Variants in PRKAR2B observed in about 807,000 individuals in gnomAD.
PRKAR2B encodes the protein cAMP-dependent protein kinase type II-beta regulatory subunit.
PRKAR2B carries 14 observed loss-of-function variants against 49.9 expected under a neutral mutation model. The ratio of observed to expected loss-of-function variants is 0.28; its 90% CI spans 0.19 to 0.44. The LOEUF (loss-of-function observed/expected upper bound fraction) is 0.44. Ranked by LOEUF, PRKAR2B falls within the 20% of genes least tolerant of loss-of-function variation. The pLI is 1.00. For missense variants in PRKAR2B, 393 were observed against 537.9 expected (o/e 0.73, Z 2.67); for synonymous variants, 196 against 197.7 (o/e 0.99, Z 0.07).
chr7:107,136,529 T>C (rs932837362), intron 4 of PRKAR2B, among the ~76,000 whole-genome samples: 2 of 151,982 alleles, frequency 1.3e-5, no homozygotes, highest in African/African-American at 2.4e-5. Flanking sequence ...GAAGAAGATA[T>C]ACAAATGGCA....
At chr7:107,065,312 G>A (rs1421706283) in intron 1 of PRKAR2B, among the ~76,000 whole-genome samples, 2 of 139,530 alleles carry the variant, frequency 1.4e-5, no homozygotes, top group East Asian at 4.3e-4. Context: ...TGTTTGCTCG[G>A]GGTGTGTGTA....
rs1226984506 is a variant in PRKAR2B, at chr7:107,159,627, A to G, written c.*45A>G. 1.1e-5 allele frequency: 18 copies of G among 1,597,444 alleles called. No individual in the cohort carries two copies. Among genetic ancestry groups the G allele is most frequent in the Non-Finnish European group, 1.3e-5 (15 of 1,167,840 alleles). On this transcript the variant is annotated 3_prime_UTR_variant, in exon 11 of 11. Coordinates refer to ENST00000265717, the MANE Select transcript of PRKAR2B (RefSeq NM_002736.3). ...ACCTGTAGTGACAAAATTACACAGT[A>G]GTGGTTAGTCCACTGAGAATGTGTT...
intron 2 of PRKAR2B, among the ~76,000 whole-genome samples, chr7:107,099,253 G>A (rs923025258): frequency 6.6e-6 from 1 of 152,196 alleles, no homozygotes; most frequent in Non-Finnish European, 1.5e-5. Flanking sequence ...CCGCCTTGCA[G>A]TTTGATCTCA....
At chr7:107,122,674 C>T (rs2115587677) in intron 3 of PRKAR2B, among the ~76,000 whole-genome samples, 1 of 152,142 alleles carries the variant, frequency 6.6e-6, no homozygotes, top group East Asian at 1.9e-4. Context: ...TTTCTTTGGC[C>T]TTAAACAGTA....
intron 2 of PRKAR2B, 142 bp downstream of exon 2, chr7:107,070,458 T>C: frequency 1.4e-6 from 1 of 700,720 alleles, no homozygotes; most frequent in Non-Finnish European, 2.3e-6. Context: ...CACAACTATC[T>C]GATATAATCA....
At chr7:107,116,878 TAC>T (rs1244828226) in intron 2 of PRKAR2B, among the ~76,000 whole-genome samples, 1 of 148,008 alleles carries the variant, frequency 6.8e-6, no homozygotes, top group Admixed American at 6.8e-5. Context: ...TATATATATA[TAC>T]ACACATATAT....
chr7:107,126,420 CAAAAAAAAA>C (rs35682952), intron 3 of PRKAR2B, among the ~76,000 whole-genome samples: 4 of 38,392 alleles, frequency 1.0e-4, no homozygotes, highest in South Asian at 9.2e-4. Context: ...GAATCTGTCT[CAAAAAAAAA>C]AAAAAAAAAA....
intron 5 of PRKAR2B, among the ~76,000 whole-genome samples, chr7:107,144,319 C>G (rs1361225054): frequency 2.0e-5 from 3 of 151,998 alleles, no homozygotes; most frequent in Admixed American, 2.0e-4. Context: ...AACTCCTGAC[C>G]TTGTGATCTG....
chr7:107,144,211 G>A (rs766156005), intron 5 of PRKAR2B, among the ~76,000 whole-genome samples: 33 of 151,714 alleles, frequency 2.2e-4, no homozygotes, highest in East Asian at 7.8e-4. Context: ...TCAACCTCCC[G>A]AGTAGCTGGG....
intron 4 of PRKAR2B, among the ~76,000 whole-genome samples, chr7:107,134,022 G>GTTTTTTTT (rs367840396): frequency 6.0e-5 from 9 of 150,728 alleles, no homozygotes; most frequent in African/African-American, 2.2e-4. Flanking sequence ...GTTATGCCCT[G>GTTTTTTTT]TTTTTTTTTG....
intron 2 of PRKAR2B, among the ~76,000 whole-genome samples, chr7:107,072,638 G>A (rs889289221): frequency 6.6e-6 from 1 of 152,098 alleles, no homozygotes; most frequent in Non-Finnish European, 1.5e-5. Flanking sequence ...TCCTGAGGAG[G>A]AAATGCTACA....
At chr7:107,144,847 G>C (rs1010602242) in intron 5 of PRKAR2B, among the ~76,000 whole-genome samples, 1 of 126,480 alleles carries the variant, frequency 7.9e-6, no homozygotes, top group Non-Finnish European at 1.6e-5. Context: ...CTGTGTTAGG[G>C]TTTAGTCAAC....
chr7:107,088,025 A>G (rs1022396174), intron 2 of PRKAR2B, among the ~76,000 whole-genome samples: 2 of 152,164 alleles, frequency 1.3e-5, no homozygotes, highest in South Asian at 4.1e-4. Flanking sequence ...TGCCTACTGT[A>G]TACTAAACAT....
intron 2 of PRKAR2B, among the ~76,000 whole-genome samples, chr7:107,112,918 T>C (rs1002296588): frequency 3.3e-5 from 5 of 152,146 alleles, no homozygotes; most frequent in African/African-American, 1.2e-4. Context: ...TATGTTCCCC[T>C]AAAGCCCATA....
intron 1 of PRKAR2B, among the ~76,000 whole-genome samples, chr7:107,064,799 C>T (rs982052382): frequency 1.3e-5 from 2 of 152,128 alleles, no homozygotes; most frequent in Non-Finnish European, 2.9e-5. Context: ...GGTTCAGTAC[C>T]TTTTAACAAA....
intron 1 of PRKAR2B, among the ~76,000 whole-genome samples, chr7:107,060,519 T>G (rs1794006108): frequency 6.6e-6 from 1 of 152,204 alleles, no homozygotes; most frequent in Admixed American, 6.5e-5. Context: ...TGACTGTATT[T>G]GTAGTTTATT....
intron 2 of PRKAR2B, among the ~76,000 whole-genome samples, chr7:107,083,381 G>C (rs1043883193): frequency 4.6e-5 from 7 of 151,672 alleles, no homozygotes; most frequent in Non-Finnish European, 7.4e-5. Context: ...ATAGATGATG[G>C]TGATGATGAC....
intron 1 of PRKAR2B, among the ~76,000 whole-genome samples, chr7:107,062,384 G>A (rs1794041991): frequency 6.6e-6 from 1 of 152,132 alleles, no homozygotes; most frequent in African/African-American, 2.4e-5. Context: ...AAACTGAAAT[G>A]TCCATCAACA....
At chr7:107,154,130 G>T (rs1392340017) in intron 8 of PRKAR2B, among the ~76,000 whole-genome samples, 1 of 152,104 alleles carries the variant, frequency 6.6e-6, no homozygotes, top group Non-Finnish European at 1.5e-5. Context: ...GGAAGAAATG[G>T]AGTCAAGCAA....
Sources: allele counts gnomAD v4.1 joint callset (sites outside exome capture counted in the v4.1 genomes callset), GRCh38; gene constraint gnomAD v4.1.1; transcripts MANE v1.5; gene names NCBI Gene and HGNC (gene_info 2026-07-23, HGNC 2026-07-21).